The following THRB variants were observed in gnomAD, a reference collection of about 807,000 sequenced individuals.
THRB encodes the protein thyroid hormone receptor beta.
THRB carries 12 observed loss-of-function variants against 47.8 expected under a neutral mutation model. That is an observed-to-expected ratio of 0.25 (90% CI 0.16 to 0.41). The LOEUF (loss-of-function observed/expected upper bound fraction) is 0.41, where lower values mean the gene tolerates loss of function less well. Among genes scored for constraint, THRB ranks in the 10% least tolerant of loss-of-function variants. The pLI is 1.00. For synonymous variants in THRB, 218 were observed against 212.2 expected (o/e 1.03, Z -0.24); for missense variants, 348 against 589.2 (o/e 0.59, Z 4.24).
At chr3:24,228,081 CTTCT>C (rs1380486300) in intron 4 of THRB, among the ~76,000 whole-genome samples, 2 of 152,112 alleles carry the variant, frequency 1.3e-5, no homozygotes, top group African/African-American at 4.8e-5. Flanking sequence ...GGCTTCATTC[CTTCT>C]TGTCAGTGAT....
chr3:24,230,885 G>A (rs577493049), intron 3 of THRB, among the ~76,000 whole-genome samples: 11 of 152,284 alleles, frequency 7.2e-5, no homozygotes, highest in Admixed American at 6.5e-4. Flanking sequence ...CCTCTCTAGG[G>A]ACAGAATTTA....
chr3:24,317,321 A>G (rs1172507014), intron 2 of THRB, among the ~76,000 whole-genome samples: 1 of 152,134 alleles, frequency 6.6e-6, no homozygotes, highest in Non-Finnish European at 1.5e-5. Context: ...TGCATGGAAA[A>G]TCGAAAGAGG....
chr3:24,382,886 C>T (rs1034585106), intron 1 of THRB, among the ~76,000 whole-genome samples: 1 of 152,090 alleles, frequency 6.6e-6, no homozygotes, highest in Non-Finnish European at 1.5e-5. Context: ...CCCTTCTATC[C>T]AGTCTACACT....
At chr3:24,182,413 G>C (rs546094187) in intron 5 of THRB, among the ~76,000 whole-genome samples, 1 of 152,202 alleles carries the variant, frequency 6.6e-6, no homozygotes, top group East Asian at 1.9e-4. Context: ...CAATCCACTT[G>C]TATCTGATTT....
intron 7 of THRB, 136 bp downstream of exon 7, chr3:24,146,539 G>T: frequency 1.1e-6 from 1 of 898,990 alleles, no homozygotes; most frequent in South Asian, 1.5e-5. Context: ...GGAGTGAGGG[G>T]TGTATGCGAA....
rs143570184 is a variant in THRB, at chr3:24,208,049, A to G, written c.23-17715T>C. ...AAATCACAAGCATTCCTATACACCA[A>G]TAACAGACAAACAGAGAGCCAAATC... is the stretch of plus-strand genomic sequence containing the variant. On this transcript the variant is annotated intron_variant, in intron 4 of 10. Coordinates refer to ENST00000646209, the MANE Select transcript of THRB (RefSeq NM_001354712.2). 5.9e-3 allele frequency among the ~76,000 whole-genome samples: 893 copies of G among 152,204 alleles called. 4 individuals carry two copies. The highest frequency in any genetic ancestry group is 0.02 in the African/African-American group (813 of 41,464).
intron 3 of THRB, among the ~76,000 whole-genome samples, chr3:24,275,816 G>T (rs1559800777): frequency 6.6e-6 from 1 of 152,268 alleles, no homozygotes; most frequent in East Asian, 1.9e-4. Context: ...CTACATGAAA[G>T]ACTGGGCTAT....
intron 2 of THRB, among the ~76,000 whole-genome samples, chr3:24,299,249 TAAAAAAAAAA>T (rs36061929): frequency 1.4e-5 from 1 of 70,190 alleles, no homozygotes; most frequent in Non-Finnish European, 2.5e-5. Context: ...CTCAGTCTCA[TAAAAAAAAAA>T]AAAAAAAAAA....
intron 1 of THRB, among the ~76,000 whole-genome samples, chr3:24,344,690 T>C (rs1397515582): frequency 6.6e-6 from 1 of 151,922 alleles, no homozygotes; most frequent in Non-Finnish European, 1.5e-5. Context: ...TGTAGGGATA[T>C]ATATATATAT....
chr3:24,179,208 G>C (rs536751732), intron 5 of THRB, among the ~76,000 whole-genome samples: 1 of 152,126 alleles, frequency 6.6e-6, no homozygotes, highest in African/African-American at 2.4e-5. Flanking sequence ...CCCCTCCAAG[G>C]GGGTGGCAGG....
intron 1 of THRB, among the ~76,000 whole-genome samples, chr3:24,400,609 C>T (rs1305620396): frequency 1.3e-5 from 2 of 151,996 alleles, no homozygotes; most frequent in Admixed American, 6.6e-5. Flanking sequence ...GCGTCCAACT[C>T]CTTCAAACGA....
chr3:24,342,490 G>C (rs771272712), intron 1 of THRB, among the ~76,000 whole-genome samples: 5 of 152,170 alleles, frequency 3.3e-5, no homozygotes, highest in Non-Finnish European at 7.3e-5. Context: ...AGCCACAGAG[G>C]AGACACAACT....
intron 1 of THRB, among the ~76,000 whole-genome samples, chr3:24,343,883 T>C (rs2080230281): frequency 6.7e-6 from 1 of 148,656 alleles, no homozygotes; most frequent in Non-Finnish European, 1.5e-5. Flanking sequence ...TTTGGCAGAA[T>C]GTATTACATA....
intron 8 of THRB, among the ~76,000 whole-genome samples, chr3:24,142,740 T>C (rs548452580): frequency 5.3e-4 from 81 of 152,282 alleles, no homozygotes; most frequent in Non-Finnish European, 1.1e-3. Flanking sequence ...GAAGACCGAG[T>C]TGGTTTTGGT....
intron 1 of THRB, among the ~76,000 whole-genome samples, chr3:24,468,761 T>C (rs2074339516): frequency 6.6e-6 from 1 of 152,202 alleles, no homozygotes; most frequent in Admixed American, 6.5e-5. Context: ...AATAAGAATT[T>C]AAACATTTTA....
chr3:24,180,278 C>T (rs1284013572), intron 5 of THRB, among the ~76,000 whole-genome samples: 5 of 152,228 alleles, frequency 3.3e-5, no homozygotes, highest in Admixed American at 1.3e-4. Context: ...ATGTCTGAGG[C>T]AACTATGGGT....
At chr3:24,133,518 A>T in intron 8 of THRB, 56 bp from the exon 9 acceptor site, 5 of 1,528,870 alleles carry the variant, frequency 3.3e-6, no homozygotes, top group Non-Finnish European at 4.5e-6. Flanking sequence ...AGCTTTATTT[A>T]TCATAGTTCT....
intron 2 of THRB, among the ~76,000 whole-genome samples, chr3:24,316,759 A>AC (rs2058143551): frequency 6.6e-6 from 1 of 151,980 alleles, no homozygotes; most frequent in Non-Finnish European, 1.5e-5. Flanking sequence ...CCCAAGTACC[A>AC]CCTTCCACCA....
intron 1 of THRB, among the ~76,000 whole-genome samples, chr3:24,410,272 A>C (rs1016278252): frequency 1.1e-4 from 17 of 151,988 alleles, no homozygotes; most frequent in African/African-American, 4.1e-4. Flanking sequence ...GGTAAATAGA[A>C]AGAAGCAAAT....
Sources: allele counts gnomAD v4.1 joint callset (sites outside exome capture counted in the v4.1 genomes callset), GRCh38; gene constraint gnomAD v4.1.1; transcripts MANE v1.5; gene names NCBI Gene and HGNC (gene_info 2026-07-23, HGNC 2026-07-21).